SLC22A4: variants seen among roughly 807,000 people sequenced by gnomAD.
SLC22A4 encodes the protein solute carrier family 22 member 4, also known as ET transporter.
A neutral mutation model predicts 56.6 loss-of-function variants in SLC22A4; 39 were observed. That is an observed-to-expected ratio of 0.69 (90% CI 0.53 to 0.90). The LOEUF (loss-of-function observed/expected upper bound fraction) is 0.90. SLC22A4 is among the 40% of genes least tolerant of loss of function. The pLI is 0.00. For synonymous variants in SLC22A4, 241 were observed against 281.4 expected, an observed-to-expected ratio of 0.86 and a Z score of 1.44; for missense variants, 594 against 696.5, an observed-to-expected ratio of 0.85 and a Z score of 1.66.
At position 132,296,690 on chromosome 5, in the gene SLC22A4, G is replaced by A. The variant is rs143680657; in HGVS notation, c.393+1681G>A. 5.9e-5 allele frequency among the ~76,000 whole-genome samples: 9 copies of A among 152,352 alleles called. No individual in the cohort carries two copies. The East Asian group carries it at 1.7e-3, about 29-fold the overall frequency. ...CCACTCCCTGCCCACAGCATGGCCT[G>A]GGAGCAGCTGAGACTGGGGGCCAGC... On this transcript the variant is annotated intron_variant, in intron 1 of 9. Coordinates refer to ENST00000200652, the MANE Select transcript of SLC22A4 (RefSeq NM_003059.3).
rs1750975810 is a variant in SLC22A4 at position 132,334,907 on chromosome 5, T to C, written c.1236T>C (p.Leu412=). 7.4e-6 allele frequency: 12 copies of C among 1,613,118 alleles called. No individual in the cohort carries two copies. Among genetic ancestry groups the C allele is most frequent in the Non-Finnish European group, 1.0e-5 (12 of 1,179,444 alleles). The change falls in exon 7 of 10, where the codon CTT becomes CTC. Residue 412 remains leucine (L), a synonymous_variant. Transcript: ENST00000200652. ...AAVLFWGGGV[L]LFIQLVPVDY... ...TACTGTTCTGGGGAGGAGGTGTGCTTCTCTTCATTCAACTGGTACCTGTGG... is the reference window on the plus strand; with the variant it reads ...TACTGTTCTGGGGAGGAGGTGTGCTCCTCTTCATTCAACTGGTACCTGTGG...
intron 1 of SLC22A4, among the ~76,000 whole-genome samples, chr5:132,308,297 T>A (rs1259748366): frequency 6.6e-6 from 1 of 151,444 alleles, no homozygotes; most frequent in Non-Finnish European, 1.5e-5. Context: ...AGGGACCATG[T>A]CTTTCTTGTG....
At chr5:132,303,400 T>C (rs753411139) in intron 1 of SLC22A4, among the ~76,000 whole-genome samples, 4 of 152,168 alleles carry the variant, frequency 2.6e-5, no homozygotes, top group Admixed American at 6.5e-5. Context: ...AAGTCTATGA[T>C]ATTTGAGTCA....
intron 1 of SLC22A4, among the ~76,000 whole-genome samples, chr5:132,297,756 G>C (rs1223371342): frequency 6.6e-6 from 1 of 151,916 alleles, no homozygotes; most frequent in Non-Finnish European, 1.5e-5. Context: ...ACAGCACTGG[G>C]CAACATAGTA....
chr5:132,294,997 C>T lies in SLC22A4; in HGVS notation c.381C>T (p.Thr127=), dbSNP rs1749745469. The T allele has an allele frequency of 6.2e-7, 1 of 1,606,184 alleles. No homozygotes were observed. Among genetic ancestry groups the T allele is most frequent in the Admixed American group, 1.7e-5 (1 of 59,210 alleles). ...TCAGCCAGGACGTCTACCTGTCCACCGTCGTGACCGAGGTGGGTGCCAGGC... is the reference window on the plus strand; with the variant it reads ...TCAGCCAGGACGTCTACCTGTCCACTGTCGTGACCGAGGTGGGTGCCAGGC... ...WEFSQDVYLS[T]VVTEWNLVCE... is the part of the protein sequence containing the mutation. The change falls in exon 1 of 10, where the codon ACC becomes ACT. Residue 127 remains threonine, a synonymous_variant. Transcript: ENST00000200652. The surrounding 1 kb of genome is among the most constrained non-coding windows in gnomAD (Gnocchi z 5.6).
At chr5:132,306,443 A>ATATATG (rs1750042288) in intron 1 of SLC22A4, among the ~76,000 whole-genome samples, 1 of 58,200 alleles carries the variant, frequency 1.7e-5, no homozygotes, top group Non-Finnish European at 3.2e-5. Flanking sequence ...ATATATATAT[A>ATATATG]GTTGTTGTTG....
At chr5:132,324,524 C>T (rs1750633300) in intron 4 of SLC22A4, 1 of 471,012 alleles carries the variant, frequency 2.1e-6, no homozygotes. Context: ...TTGCCCCAGA[C>T]AGAGGCCAGC....
At position 132,294,753 on chromosome 5, in the gene SLC22A4, C is replaced by T. The variant is rs761375217; in HGVS notation, c.137C>T (p.Pro46Leu). ...GMSVVFLAGT[P>L]EHRCRVPDAA... is the part of the protein sequence containing the mutation. ...TCAGTCGTGTTCCTGGCGGGGACCC[C>T]GGAGCACCGCTGTCGAGTGCCGGAC... The change falls in exon 1 of 10, where the codon CCG (proline) becomes CTG (leucine). Residue 46 changes from proline to leucine, a missense_variant. Coordinates refer to ENST00000200652, the MANE Select transcript of SLC22A4 (RefSeq NM_003059.3). The surrounding 1 kb of genome is among the most constrained non-coding windows in gnomAD (Gnocchi z 5.6). 9.3e-6 allele frequency: 15 copies of T among 1,613,692 alleles called. No individual in the cohort carries two copies. Among genetic ancestry groups the T allele is most frequent in the East Asian group, 6.7e-5 (3 of 44,882 alleles).
intron 3 of SLC22A4, among the ~76,000 whole-genome samples, chr5:132,317,874 T>C (rs1271522363): frequency 6.6e-6 from 1 of 152,238 alleles, no homozygotes. Context: ...GGCATATAAA[T>C]ACGTAAACAT....
chr5:132,335,933 G>A lies in SLC22A4; in HGVS notation c.1377G>A (p.Met459Ile), dbSNP rs1469039549. Residue 459 changes from methionine to isoleucine, a missense_variant, in exon 8 of 10, where the codon ATG becomes ATA. By Grantham distance (10) the Met-to-Ile change is conservative (BLOSUM62 1). Coordinates refer to ENST00000200652, the MANE Select transcript of SLC22A4 (RefSeq NM_003059.3). ...AELYPTLVRN[M>I]AVGVTSTASR... ...TCTACCCAACCCTGGTCAGGAACAT[G>A]GCGGTGGGGGTCACATCCACGGCCT... 1 of 1,614,188 alleles carries A rather than the reference G, an allele frequency of 6.2e-7. No homozygotes were observed.
rs375954722 is a variant in SLC22A4, at chr5:132,294,775, G to A, written c.159G>A (p.Pro53=). The change falls in exon 1 of 10, where the codon CCG becomes CCA. Residue 53 remains proline, a synonymous_variant. Transcript: ENST00000200652. This position sits in a 1 kb window ranked among gnomAD's most constrained non-coding sequence, Gnocchi z 5.6. ...CCCCGGAGCACCGCTGTCGAGTGCC[G>A]GACGCCGCGAACCTGAGCAGCGCCT... is the stretch of plus-strand genomic sequence containing the variant. ...AGTPEHRCRV[P]DAANLSSAWR... 25 of 1,613,350 alleles carry A rather than the reference G, an allele frequency of 1.5e-5. No homozygotes were observed. Among genetic ancestry groups the A allele is most frequent in the African/African-American group, 1.3e-4 (10 of 74,936 alleles).
At chr5:132,295,198 G>A in intron 1 of SLC22A4, 189 bp downstream of exon 1, 2 of 750,410 alleles carry the variant, frequency 2.7e-6, no homozygotes, top group Non-Finnish European at 4.8e-6. Flanking sequence ...TTCCTGGGTC[G>A]TTTCTGTCCA....
intron 9 of SLC22A4, among the ~76,000 whole-genome samples, chr5:132,341,861 C>T (rs1465325888): frequency 6.6e-6 from 1 of 152,044 alleles, no homozygotes; most frequent in Non-Finnish European, 1.5e-5. Flanking sequence ...GCAGGAGAAT[C>T]GCTTGAACCA....
rs116836940 is a variant in SLC22A4 at position 132,306,811 on chromosome 5, G to A, written c.394-5350G>A. Among the ~76,000 whole-genome samples the A allele has an allele frequency of 4.7e-3, 709 of 151,984 alleles. 2 individuals are homozygous for A. Among genetic ancestry groups the A allele is most frequent in the Non-Finnish European group, 7.8e-3 (529 of 67,996 alleles). On this transcript the variant is annotated intron_variant, in intron 1 of 9. Transcript: ENST00000200652. ...TGCTGATACACTGCACAATGACATG[G>A]ATGGACTTAGAAAAGGAGCTAAGTA...
At chr5:132,328,903 GTA>G (rs753290785) in intron 5 of SLC22A4, among the ~76,000 whole-genome samples, 2,423 of 96,320 alleles carry the variant, frequency 0.025, 30 homozygotes, top group South Asian at 0.068. Context: ...GTGTGTATGT[GTA>G]TATATATATA....
rs987922581 is a variant in SLC22A4, at chr5:132,340,076, T to G, written c.1445-489T>G. On this transcript the variant is annotated intron_variant, in intron 8 of 9. Coordinates refer to ENST00000200652, the MANE Select transcript of SLC22A4 (RefSeq NM_003059.3). ...TAATACTTAGTTGTTTTTTTTTTTT[T>G]TTTTTTTTTTTTTGAGTCTCATAGC... is the stretch of plus-strand genomic sequence containing the variant. Among the ~76,000 whole-genome samples the G allele has an allele frequency of 4.7e-5, 7 of 147,930 alleles. No homozygotes were observed. In the South Asian group the frequency reaches 1.3e-3, roughly 28 times the overall value.
At chr5:132,319,801 AGGCT>A (rs1223475501) in intron 3 of SLC22A4, among the ~76,000 whole-genome samples, 7 of 152,212 alleles carry the variant, frequency 4.6e-5, no homozygotes, top group African/African-American at 1.7e-4. Context: ...CATATTGGTC[AGGCT>A]GGTCTCAAAC....
chr5:132,322,937 A>G (rs1004019311), intron 4 of SLC22A4, among the ~76,000 whole-genome samples: 5 of 152,222 alleles, frequency 3.3e-5, no homozygotes, highest in African/African-American at 9.6e-5. Flanking sequence ...ACAAAGTTTG[A>G]AGATTCTGGC....
chr5:132,325,495 T>C (rs1186676540), intron 4 of SLC22A4, among the ~76,000 whole-genome samples: 5 of 152,152 alleles, frequency 3.3e-5, no homozygotes, highest in Admixed American at 2.0e-4. Context: ...TAAAGGCATA[T>C]TCTGAAAAAT....
Sources: allele counts gnomAD v4.1 joint callset (sites outside exome capture counted in the v4.1 genomes callset), GRCh38; gene constraint gnomAD v4.1.1; non-coding constraint Gnocchi (gnomAD v3.1); transcripts MANE v1.5; gene names NCBI Gene and HGNC (gene_info 2026-07-23, HGNC 2026-07-21).